Variants in SKAP1 observed in about 807,000 individuals in gnomAD.
The protein encoded by SKAP1 is src kinase-associated phosphoprotein 1.
SKAP1 carries 44 observed loss-of-function variants against 58.5 expected under a neutral mutation model. The observed-to-expected ratio is 0.75, with a 90% CI of 0.59 to 0.97. The LOEUF (loss-of-function observed/expected upper bound fraction) is 0.97, where lower values mean the gene tolerates loss of function less well. Ranked by LOEUF, SKAP1 falls within the 50% of genes least tolerant of loss-of-function variation. SKAP1 has a pLI of 0.00. For missense variants in SKAP1, 390 were observed against 435.2 expected, an observed-to-expected ratio of 0.90 and a Z score of 0.92; for synonymous variants, 127 against 149.7, an observed-to-expected ratio of 0.85 and a Z score of 1.11.
At chr17:48,414,579 T>C (rs770399595) in intron 1 of SKAP1, among the ~76,000 whole-genome samples, 2 of 152,180 alleles carry the variant, frequency 1.3e-5, no homozygotes, top group Non-Finnish European at 2.9e-5. Context: ...CTGACAAAAA[T>C]GCATCTTTCT....
chr17:48,139,659 G>A (rs767211130), intron 11 of SKAP1, among the ~76,000 whole-genome samples: 3 of 152,208 alleles, frequency 2.0e-5, no homozygotes, highest in East Asian at 1.9e-4. Flanking sequence ...GCATTATCTG[G>A]TGATCTTTTT....
Position 48,430,155 on chromosome 17 carries a change from G to A in SKAP1, c.-35C>T, listed in dbSNP as rs755511424. ...CGGGAGAGAGGCGGGACGGGGCGCGGGCCCTGGTCGGGAGGCGGACGGGCT... is the reference window on the plus strand; with the variant it reads ...CGGGAGAGAGGCGGGACGGGGCGCGAGCCCTGGTCGGGAGGCGGACGGGCT... On this transcript the variant is annotated 5_prime_UTR_variant, in exon 1 of 13. Transcript: ENST00000336915. 2.0e-5 allele frequency: 25 copies of A among 1,252,182 alleles called. No individual in the cohort carries two copies. Among genetic ancestry groups the A allele is most frequent in the Non-Finnish European group, 2.4e-5 (24 of 990,948 alleles). The allele number at this position is 1,252,182 out of a possible 1,614,324, so 77.6% of individuals were successfully genotyped here.
At chr17:48,139,801 A>G (rs574329513) in intron 11 of SKAP1, among the ~76,000 whole-genome samples, 1 of 152,262 alleles carries the variant, frequency 6.6e-6, no homozygotes, top group East Asian at 1.9e-4. Flanking sequence ...GTCAGCCACC[A>G]GCCACCAAAG....
At chr17:48,289,152 T>C (rs536808167) in intron 4 of SKAP1, among the ~76,000 whole-genome samples, 1 of 152,188 alleles carries the variant, frequency 6.6e-6, no homozygotes, top group Non-Finnish European at 1.5e-5. Flanking sequence ...GGAATGTTTA[T>C]CTATTCAAGC....
chr17:48,381,304 C>A (rs948342280), intron 2 of SKAP1, among the ~76,000 whole-genome samples: 26 of 152,208 alleles, frequency 1.7e-4, no homozygotes, highest in Non-Finnish European at 3.7e-4. Context: ...TCCATTTTGT[C>A]TTTTCAGCCA....
intron 11 of SKAP1, among the ~76,000 whole-genome samples, chr17:48,158,810 A>C (rs1010922941): frequency 6.6e-6 from 1 of 151,150 alleles, no homozygotes; most frequent in Non-Finnish European, 1.5e-5. Context: ...AATACAAAAA[A>C]TTAGCTGGGC....
intron 4 of SKAP1, among the ~76,000 whole-genome samples, chr17:48,222,139 C>T (rs1002090993): frequency 9.2e-5 from 14 of 152,178 alleles, no homozygotes; most frequent in African/African-American, 3.4e-4. Flanking sequence ...CAGTTAGCTA[C>T]AGGCTTTGAG....
chr17:48,294,752 G>A (rs1403158363), intron 4 of SKAP1, among the ~76,000 whole-genome samples: 6 of 152,146 alleles, frequency 3.9e-5, no homozygotes, highest in African/African-American at 1.2e-4. Context: ...TGGCTGTTAC[G>A]TGGTGATGAT....
the SKAP1 span, among the ~76,000 whole-genome samples, chr17:48,435,406 A>G: frequency 6.6e-6 from 1 of 152,194 alleles, no homozygotes; most frequent in Admixed American, 6.5e-5. Context: ...AGAATGTATC[A>G]GCTGTAGCCA....
chr17:48,372,988 C>G (rs1188680856), intron 2 of SKAP1, among the ~76,000 whole-genome samples: 1 of 152,124 alleles, frequency 6.6e-6, no homozygotes, highest in Non-Finnish European at 1.5e-5. Context: ...TGAGGAAACT[C>G]AAACTCAGGA....
At chr17:48,157,423 C>T (rs1244057255) in intron 11 of SKAP1, among the ~76,000 whole-genome samples, 5 of 151,970 alleles carry the variant, frequency 3.3e-5, no homozygotes, top group South Asian at 2.1e-4. Context: ...TTAGTAGAGA[C>T]GGGGTTTCAC....
intron 4 of SKAP1, among the ~76,000 whole-genome samples, chr17:48,294,792 T>C (rs1001182438): frequency 5.9e-5 from 9 of 152,158 alleles, no homozygotes; most frequent in African/African-American, 2.2e-4. Flanking sequence ...GTGATTTGAC[T>C]CACAAGTTTT....
chr17:48,236,340 C>T (rs1020557192), intron 4 of SKAP1, among the ~76,000 whole-genome samples: 7 of 152,058 alleles, frequency 4.6e-5, no homozygotes, highest in African/African-American at 1.4e-4. Context: ...AAGGTTTCTA[C>T]GAGATTCTTT....
intron 9 of SKAP1, among the ~76,000 whole-genome samples, chr17:48,172,430 A>G (rs17681336): frequency 0.56 from 84,908 of 151,966 alleles, 24,700 homozygotes; most frequent in East Asian, 0.77. Flanking sequence ...TAGGAATTGG[A>G]CCCTTATAAT....
At chr17:48,160,663 CAAAAT>C (rs1377066815) in intron 11 of SKAP1, among the ~76,000 whole-genome samples, 1 of 152,112 alleles carries the variant, frequency 6.6e-6, no homozygotes, top group Non-Finnish European at 1.5e-5. Context: ...GCAAAACAAA[CAAAAT>C]AATCATGACA....
In SKAP1 at chr17:48,186,566, A is replaced by T. The variant is rs538846449; in HGVS notation, c.442+1277T>A. 1.5e-3 allele frequency among the ~76,000 whole-genome samples: 220 copies of T among 151,680 alleles called. 3 individuals carry two copies. The highest frequency in any genetic ancestry group is 4.9e-3 in the African/African-American group (203 of 41,326). ...AGTGGCGTGATCTCGGCTCACCACAACCTCCACCTCCTGGGTTCAAGCAAT... is the reference window on the plus strand; with the variant it reads ...AGTGGCGTGATCTCGGCTCACCACATCCTCCACCTCCTGGGTTCAAGCAAT... On this transcript the variant is annotated intron_variant, in intron 6 of 12. Transcript: ENST00000336915.
intron 9 of SKAP1, among the ~76,000 whole-genome samples, chr17:48,178,081 T>C (rs1405773495): frequency 6.6e-6 from 1 of 152,082 alleles, no homozygotes; most frequent in Non-Finnish European, 1.5e-5. Context: ...CGGTGCTGCA[T>C]TGGCCAAGGG....
At chr17:48,171,734 A>AGTGTGTGTGTGTGTGTGTGTGT (rs3221423) in intron 9 of SKAP1, among the ~76,000 whole-genome samples, 1 of 148,990 alleles carries the variant, frequency 6.7e-6, no homozygotes, top group South Asian at 2.1e-4. Context: ...AGGATGTTAG[A>AGTGTGTGTGTGTGTGTGTGTGT]GTGTGTGTGT....
At chr17:48,417,487 G>A (rs912721153) in intron 1 of SKAP1, among the ~76,000 whole-genome samples, 35 of 152,220 alleles carry the variant, frequency 2.3e-4, no homozygotes, top group African/African-American at 8.2e-4. Flanking sequence ...GCTAACGCCT[G>A]TAATCCCAGC....
Sources: allele counts gnomAD v4.1 joint callset (sites outside exome capture counted in the v4.1 genomes callset), GRCh38; gene constraint gnomAD v4.1.1; transcripts MANE v1.5; gene names NCBI Gene and HGNC (gene_info 2026-07-23, HGNC 2026-07-21).